The following NCKAP1 variants were observed in gnomAD, a reference collection of about 807,000 sequenced individuals.
The protein encoded by NCKAP1 is NCK associated protein 1.
Under a neutral mutation model 151.2 loss-of-function variants are expected in NCKAP1, and 21 were observed. That is an observed-to-expected ratio of 0.14 (90% CI 0.10 to 0.20). The LOEUF (loss-of-function observed/expected upper bound fraction) is 0.20. Ranked by LOEUF, NCKAP1 falls within the 10% of genes least tolerant of loss-of-function variation. The pLI, the probability that NCKAP1 is intolerant of heterozygous loss-of-function variation, is 1.00. For missense variants in NCKAP1, 933 were observed against 1,352.1 expected (o/e 0.69, Z 4.86); for synonymous variants, 484 against 451.8 (o/e 1.07, Z -0.90).
intron 26 of NCKAP1, among the ~76,000 whole-genome samples, chr2:182,933,389 A>ATTT (rs35213776): frequency 0.073 from 9,071 of 123,898 alleles, 638 homozygotes; most frequent in African/African-American, 0.17. Context: ...GTGGCACCAC[A>ATTT]TTTTTTTTTT....
chr2:182,930,897 T>C (rs1696750051), intron 26 of NCKAP1, 109 bp from the exon 27 acceptor site: 2 of 871,824 alleles, frequency 2.3e-6, no homozygotes, highest in Non-Finnish European at 1.8e-6. Flanking sequence ...TTTCGGAAAC[T>C]TGGCTGAAGC....
At chr2:182,928,929 A>T (rs1401576993) in intron 27 of NCKAP1, 30 bp from the exon 28 acceptor site, 1 of 1,392,324 alleles carries the variant, frequency 7.2e-7, no homozygotes, top group Middle Eastern at 1.8e-4. Flanking sequence ...AATAAAATCA[A>T]GGTATTTCTT....
intron 10 of NCKAP1, among the ~76,000 whole-genome samples, chr2:182,984,502 G>A (rs1698010528): frequency 1.3e-5 from 2 of 150,524 alleles, no homozygotes; most frequent in Non-Finnish European, 1.5e-5. Flanking sequence ...TAGTAATTTC[G>A]CTGTGACACA....
chr2:182,979,440 A>T (rs565868242), intron 13 of NCKAP1, among the ~76,000 whole-genome samples: 124 of 152,218 alleles, frequency 8.1e-4, no homozygotes, highest in Middle Eastern at 3.4e-3. Flanking sequence ...AATCTAGCTT[A>T]AAAAATGAAT....
intron 7 of NCKAP1, among the ~76,000 whole-genome samples, chr2:182,995,408 T>C (rs906072684): frequency 6.6e-6 from 1 of 152,168 alleles, no homozygotes; most frequent in African/African-American, 2.4e-5. Flanking sequence ...TTTGGGGTGA[T>C]TTTTGTTTTT....
intron 15 of NCKAP1, among the ~76,000 whole-genome samples, chr2:182,970,584 A>G (rs1290125455): frequency 6.6e-6 from 1 of 152,208 alleles, no homozygotes; most frequent in Non-Finnish European, 1.5e-5. Flanking sequence ...AGGTATGGAA[A>G]AAAACATACC....
intron 2 of NCKAP1, among the ~76,000 whole-genome samples, chr2:183,011,704 G>A (rs2105884476): frequency 6.6e-6 from 1 of 152,256 alleles, no homozygotes; most frequent in South Asian, 2.1e-4. Context: ...GGGCTATCAT[G>A]AATAACAAAT....
Position 182,910,948 on chromosome 2 carries a change from G to GCACCCCCCCCCCCCCCC in NCKAP1, c.*14753_*14754insGGGGGGGGGGGGGGGTG, listed in dbSNP as rs5836857. 8.5e-6 allele frequency: 1 copy of GCACCCCCCCCCCCCCCC among 117,816 alleles called. No homozygotes were observed. The highest frequency in any genetic ancestry group is 2.9e-5 in the African/African-American group (1 of 34,734). 7.3% of individuals were successfully genotyped at this position (117,816 alleles called of 1,614,324 possible). ...CTTGGAAATAAAAATAAAATCCTAA[G>GCACCCCCCCCCCCCCCC]CTCCCCCCCCACATTTGACTAAACA... On this transcript the variant is annotated 3_prime_UTR_variant, in exon 31 of 31. Transcript: ENST00000361354.
intron 15 of NCKAP1, among the ~76,000 whole-genome samples, chr2:182,971,207 A>T (rs977235060): frequency 2.0e-5 from 3 of 151,538 alleles, no homozygotes; most frequent in Non-Finnish European, 4.4e-5. Context: ...ATCCCGGCTA[A>T]AACGGTGAAA....
intron 2 of NCKAP1, among the ~76,000 whole-genome samples, chr2:183,013,821 A>G (rs1008114628): frequency 1.1e-4 from 17 of 151,756 alleles, no homozygotes; most frequent in African/African-American, 3.6e-4. Flanking sequence ...TCAATCATCT[A>G]CTCTGCTCAT....
intron 2 of NCKAP1, among the ~76,000 whole-genome samples, chr2:183,006,968 T>C (rs1383998476): frequency 6.6e-6 from 1 of 151,898 alleles, no homozygotes; most frequent in Non-Finnish European, 1.5e-5. Flanking sequence ...GCCTTCCGAG[T>C]TCAAGCAATT....
At chr2:182,934,950 T>G (rs1371543213) in intron 25 of NCKAP1, 118 bp from the exon 26 acceptor site, 4 of 573,506 alleles carry the variant, frequency 7.0e-6, no homozygotes, top group Non-Finnish European at 1.2e-5. Context: ...CTTTATCTAC[T>G]TTCAGTGATT....
chr2:182,967,212 A>G lies in NCKAP1; in HGVS notation c.1628+4T>C. 1 of 1,593,558 alleles carries G rather than the reference A, an allele frequency of 6.3e-7. No homozygotes were observed. The highest frequency in any genetic ancestry group is 8.5e-7 in the Non-Finnish European group (1 of 1,174,376). On this transcript the variant is annotated splice_donor_region_variant and intron_variant, in intron 16 of 30. Transcript: ENST00000361354. ...ATCCAGATTTAGAGAAAATTACAAC[A>G]TACCAAAATATGGAGAGATCTGATG...
At chr2:183,035,020 A>G (rs1190418777) in intron 1 of NCKAP1, among the ~76,000 whole-genome samples, 3 of 152,172 alleles carry the variant, frequency 2.0e-5, no homozygotes, top group Admixed American at 2.0e-4. Context: ...ACAAGTTGCC[A>G]TGCTGGAACC....
intron 26 of NCKAP1, among the ~76,000 whole-genome samples, chr2:182,932,715 A>G (rs1183398551): frequency 1.3e-5 from 2 of 152,032 alleles, no homozygotes; most frequent in Non-Finnish European, 2.9e-5. Context: ...GAAACTAAAC[A>G]TGATTATGTC....
rs748843200 is a variant in NCKAP1, at chr2:182,934,874, T to C, written c.2779-42A>G. On this transcript the variant is annotated intron_variant, in intron 25 of 30. Coordinates refer to ENST00000361354, the MANE Select transcript of NCKAP1 (RefSeq NM_013436.5). Reference sequence around the variant, plus strand: ...ATAAGAATACAGAATTATTTTTAAATGGCAACCCCTAAATTTACAAAATAT... The same window carrying C: ...ATAAGAATACAGAATTATTTTTAAACGGCAACCCCTAAATTTACAAAATAT... 2.9e-5 allele frequency: 27 copies of C among 924,102 alleles called. No individual in the cohort carries two copies. In the African/African-American group the frequency reaches 3.6e-4, roughly 12 times the overall value. 57.2% of individuals were successfully genotyped at this position (924,102 alleles called of 1,614,324 possible).
intron 2 of NCKAP1, among the ~76,000 whole-genome samples, chr2:183,008,181 G>C (rs955357517): frequency 1.3e-5 from 2 of 152,016 alleles, no homozygotes; most frequent in African/African-American, 4.8e-5. Context: ...GCCCGCCTCG[G>C]CCTCCCAAAG....
In NCKAP1 at chr2:183,036,820, A is replaced by G. The variant is rs537734043; in HGVS notation, c.108+1172T>C. Among the ~76,000 whole-genome samples the G allele has an allele frequency of 1.4e-3, 208 of 144,364 alleles. 2 individuals are homozygous for G. Among genetic ancestry groups the G allele is most frequent in the East Asian group, 6.0e-3 (29 of 4,816 alleles). 94.7% of individuals were successfully genotyped at this position (144,364 alleles called of 152,430 possible). A position where few individuals can be genotyped will look rare whatever the true frequency, so the allele number is the denominator to read the frequency against. On this transcript the variant is annotated intron_variant, in intron 1 of 30. Transcript: ENST00000361354. ...AACGCTTGGAAATGAATTTCCAAAG[A>G]AAAAAAAAAAAACCTTTCTTCAGAA... is the stretch of plus-strand genomic sequence containing the variant.
At chr2:182,998,962 C>T (rs1367998495) in intron 6 of NCKAP1, among the ~76,000 whole-genome samples, 3 of 151,236 alleles carry the variant, frequency 2.0e-5, no homozygotes, top group African/African-American at 7.3e-5. Context: ...TGAAACCTCT[C>T]TAAGAGAAGA....
Sources: gnomAD v4.1 joint callset for allele counts (sites outside exome capture counted in the v4.1 genomes callset) on GRCh38, gnomAD v4.1.1 for gene constraint, MANE v1.5 for transcripts, NCBI Gene and HGNC (gene_info 2026-07-23, HGNC 2026-07-21) for gene names.